Variants in INTS4 observed in about 807,000 individuals in gnomAD.
The protein encoded by INTS4 is integrator complex subunit 4, also known as MSTP093.
A neutral mutation model predicts 119.5 loss-of-function variants in INTS4; 70 were observed. The ratio of observed to expected loss-of-function variants is 0.59; its 90% confidence interval spans 0.48 to 0.71. INTS4 has a LOEUF of 0.71. Among genes scored for constraint, INTS4 ranks in the 30% least tolerant of loss-of-function variants. INTS4 has a pLI of 0.00. For missense variants in INTS4, 867 were observed against 1,173.2 expected (o/e 0.74, Z 3.81); for synonymous variants, 316 against 419.6 (o/e 0.75, Z 3.02).
intron 18 of INTS4, among the ~76,000 whole-genome samples, chr11:77,894,868 C>G (rs891777382): frequency 6.6e-6 from 1 of 152,212 alleles, no homozygotes; most frequent in African/African-American, 2.4e-5. Context: ...GTATCGGCAT[C>G]TGGAAACTAG....
intron 1 of INTS4, among the ~76,000 whole-genome samples, chr11:77,994,250 G>A (rs1445609611): frequency 6.6e-6 from 1 of 152,052 alleles, no homozygotes; most frequent in African/African-American, 2.4e-5. Flanking sequence ...GTACCCCTCC[G>A]GAAGGCTCAA....
intron 15 of INTS4, among the ~76,000 whole-genome samples, chr11:77,914,557 A>C (rs1032614779): frequency 1.3e-5 from 2 of 152,184 alleles, no homozygotes; most frequent in Non-Finnish European, 2.9e-5. Flanking sequence ...AGAGCTGTGG[A>C]CTGCCCAGAG....
intron 4 of INTS4, 50 bp downstream of exon 4, chr11:77,978,946 G>A: frequency 8.7e-7 from 1 of 1,155,274 alleles, no homozygotes; most frequent in Non-Finnish European, 1.3e-6. Context: ...GTCCTTAGCA[G>A]TCCTCAGTTA....
At chr11:77,960,233 C>A in intron 6 of INTS4, 108 bp downstream of exon 6, 1 of 716,266 alleles carries the variant, frequency 1.4e-6, no homozygotes. Flanking sequence ...AACGCTGCCA[C>A]TATTAACTAG....
In INTS4 at chr11:77,924,765, C is replaced by G. The variant is rs778347617; in HGVS notation, c.1499G>C (p.Arg500Thr). Residue 500 changes from arginine to threonine, a missense_variant, in exon 12 of 23, where the codon AGG becomes ACG. By Grantham distance (71) the Arg-to-Thr change is moderately conservative. This residue lies in a region of INTS4 where 51 missense variants were observed against 125.5 expected (regional missense o/e 0.41). Coordinates refer to ENST00000534064, the MANE Select transcript of INTS4 (RefSeq NM_033547.4). The part of the protein sequence containing the change: ...LKNLTKYPTD[R>T]DSIWKCLKFL... ...AAGTCATTACTTCCATATGGAGTCC[C>G]TATCAGTAGGGTACTTGGTTAAATT... 19 of 1,609,196 alleles carry G rather than the reference C, an allele frequency of 1.2e-5. No individual in the cohort carries two copies. Among genetic ancestry groups the G allele is most frequent in the Non-Finnish European group, 1.6e-5 (19 of 1,176,108 alleles).
intron 18 of INTS4, among the ~76,000 whole-genome samples, chr11:77,900,043 C>T (rs1014821394): frequency 6.6e-6 from 1 of 151,848 alleles, no homozygotes; most frequent in African/African-American, 2.4e-5. Flanking sequence ...TTTGTTTTTT[C>T]AGCTATAACT....
At chr11:77,939,259 C>T (rs149896718) in intron 9 of INTS4, among the ~76,000 whole-genome samples, 19 of 152,244 alleles carry the variant, frequency 1.2e-4, no homozygotes, top group Non-Finnish European at 2.4e-4. Context: ...AGGCTGATCA[C>T]GAGGTCAGGA....
chr11:77,920,234 T>TATATACACATATACATAC (rs1953317906), intron 14 of INTS4, among the ~76,000 whole-genome samples: 1 of 47,602 alleles, frequency 2.1e-5, no homozygotes, highest in African/African-American at 1.0e-4. Context: ...TATACATACA[T>TATATACACATATACATAC]ATATACATAT....
intron 4 of INTS4, among the ~76,000 whole-genome samples, chr11:77,964,374 T>A (rs1857454843): frequency 6.6e-6 from 1 of 151,802 alleles, no homozygotes; most frequent in Non-Finnish European, 1.5e-5. Context: ...GAGACCATCC[T>A]GGCTAACATG....
intron 5 of INTS4, 120 bp downstream of exon 5, chr11:77,960,833 C>A (rs746875945): frequency 1.2e-5 from 11 of 924,792 alleles, no homozygotes; most frequent in Non-Finnish European, 1.6e-5. Flanking sequence ...GAGGCCACCA[C>A]CAATACCCTC....
rs532161804 is a variant in INTS4 at position 77,918,745 on chromosome 11, C to A, written c.1922+76G>T. On this transcript the variant is annotated intron_variant, in intron 15 of 22. Transcript: ENST00000534064. Reference sequence around the variant, plus strand: ...AAAGTCAGAATATCAAGCCTAGTAACCAACACCAGAATTCAGAACAGTCAA... The same window carrying A: ...AAAGTCAGAATATCAAGCCTAGTAAACAACACCAGAATTCAGAACAGTCAA... 1.2e-5 allele frequency: 18 copies of A among 1,556,980 alleles called. No individual in the cohort carries two copies. The East Asian group carries it at 4.1e-4, about 35-fold the overall frequency.
chr11:77,918,670 C>G, intron 15 of INTS4, 151 bp downstream of exon 15: 1 of 981,604 alleles, frequency 1.0e-6, no homozygotes, highest in Non-Finnish European at 1.4e-6. Context: ...AAACCACAAT[C>G]TAATCCAAAT....
intron 3 of INTS4, among the ~76,000 whole-genome samples, chr11:77,980,677 A>G (rs1390038859): frequency 1.3e-5 from 2 of 152,144 alleles, no homozygotes; most frequent in East Asian, 3.9e-4. Context: ...ACCTGTGCCT[A>G]GCCTGTTTTA....
intron 4 of INTS4, among the ~76,000 whole-genome samples, chr11:77,974,169 T>C (rs1402773076): frequency 6.6e-6 from 1 of 151,916 alleles, no homozygotes; most frequent in African/African-American, 2.4e-5. Context: ...TTTTCAGTAG[T>C]TTTTGTCTTT....
chr11:77,981,543 A>G lies in INTS4; in HGVS notation c.280T>C (p.Ser94Pro). 1 of 1,587,192 alleles carries G rather than the reference A, an allele frequency of 6.3e-7. No homozygotes were observed. Among genetic ancestry groups the G allele is most frequent in the Non-Finnish European group, 8.6e-7 (1 of 1,165,252 alleles). The change falls in exon 3 of 23, where the codon TCA (serine) becomes CCA (proline). Residue 94 changes from serine to proline, a missense_variant. This residue lies in a region of INTS4 where 224 missense variants were observed against 231.8 expected (regional missense o/e 0.97). Coordinates refer to ENST00000534064, the MANE Select transcript of INTS4 (RefSeq NM_033547.4). ...GTCTTTGATAATAAACCCAACAATGATGCAATTTTCAGTCTCACAGATGGA... is the reference window on the plus strand; with the variant it reads ...GTCTTTGATAATAAACCCAACAATGGTGCAATTTTCAGTCTCACAGATGGA... ...NDPSVRLKIA[S>P]LLGLLSKTAG...
intron 8 of INTS4, among the ~76,000 whole-genome samples, chr11:77,949,532 A>C (rs1460595570): frequency 6.6e-6 from 1 of 151,602 alleles, no homozygotes; most frequent in Admixed American, 6.6e-5. Context: ...AAAAAAAAAA[A>C]AAAACCATCA....
intron 10 of INTS4, among the ~76,000 whole-genome samples, chr11:77,931,984 A>T (rs1270886817): frequency 6.6e-6 from 1 of 152,222 alleles, no homozygotes; most frequent in East Asian, 1.9e-4. Context: ...AACCATAAAA[A>T]CCCTAGAAGA....
At chr11:77,901,575 A>G (rs1464814299) in intron 17 of INTS4, 24 bp from the exon 18 acceptor site, 3 of 1,543,968 alleles carry the variant, frequency 1.9e-6, no homozygotes, top group Non-Finnish European at 2.7e-6. Context: ...ATAATTAACA[A>G]TCAATAAAAA....
chr11:77,936,556 A>T (rs1263733912), intron 10 of INTS4, among the ~76,000 whole-genome samples: 1 of 152,144 alleles, frequency 6.6e-6, no homozygotes, highest in East Asian at 1.9e-4. Flanking sequence ...CTAATTTTAA[A>T]TTTTTTGTAG....
Sources: gnomAD v4.1 joint callset for allele counts (sites outside exome capture counted in the v4.1 genomes callset) on GRCh38, gnomAD v4.1.1 for gene constraint, gnomAD v4.1.1 regional missense constraint, MANE v1.5 for transcripts, NCBI Gene and HGNC (gene_info 2026-07-23, HGNC 2026-07-21) for gene names.